Variants in HEATR4 observed in about 807,000 individuals in gnomAD.
HEATR4 encodes HEAT repeat-containing protein 4.
HEATR4 carries 95 observed loss-of-function variants against 108.8 expected under a neutral mutation model. That is an observed-to-expected ratio of 0.87 (90% CI 0.74 to 1.04). HEATR4 has a LOEUF of 1.04. Among genes scored for constraint, HEATR4 ranks in the 50% least tolerant of loss-of-function variants. The probability of loss-of-function intolerance (pLI) is 0.00; values close to 1 mark genes in which losing one functional copy is unlikely to be tolerated. For synonymous variants in HEATR4, 443 were observed against 459.4 expected, an observed-to-expected ratio of 0.96 and a Z score of 0.46; for missense variants, 1,152 against 1,253.8, an observed-to-expected ratio of 0.92 and a Z score of 1.23.
the HEATR4 span, among the ~76,000 whole-genome samples, chr14:73,576,816 A>AAAAAAAAAAAAAG: frequency 5.4e-3 from 312 of 58,142 alleles, 79 homozygotes; most frequent in African/African-American, 9.0e-3. Flanking sequence ...AAAAAAAAAA[A>AAAAAAAAAAAAAG]AAAAGACAAT....
Position 73,536,412 on chromosome 14 carries a change from G to T in HEATR4, c.-151-6168C>A, listed in dbSNP as rs1180749304. On this transcript the variant is annotated intron_variant, in intron 1 of 17. Transcript: ENST00000553558. ...CCCTTGAGGTGTTTGAGAGGCTGAG[G>T]CAGGAAGATGGCTTTAGCCCAGGAG... Among the ~76,000 whole-genome samples the T allele has an allele frequency of 1.1e-3, 117 of 108,912 alleles. 25 individuals are homozygous for T. Among genetic ancestry groups the T allele is most frequent in the African/African-American group, 3.2e-3 (105 of 33,288 alleles). 71.5% of individuals were successfully genotyped at this position (108,912 alleles called of 152,430 possible). A position where few individuals can be genotyped will look rare whatever the true frequency, so the allele number is the denominator to read the frequency against.
the HEATR4 span, chr14:73,595,853 A>G: frequency 9.8e-6 from 5 of 512,212 alleles, no homozygotes; most frequent in South Asian, 7.0e-5. Flanking sequence ...TAAGAGGCAT[A>G]TGACACATAT....
chr14:73,594,676 A>G, the HEATR4 span, among the ~76,000 whole-genome samples: 1 of 138,756 alleles, frequency 7.2e-6, no homozygotes, highest in Non-Finnish European at 1.5e-5. Context: ...TGGATAAGTT[A>G]TTTATTTATT....
chr14:73,592,225 CT>C, the HEATR4 span: 1 of 1,613,086 alleles, frequency 6.2e-7, no homozygotes, highest in East Asian at 2.2e-5. Flanking sequence ...CCCGAGAAGC[CT>C]TTTTGGCGCT....
rs138141239 is a variant in HEATR4, at chr14:73,488,128, A to T, written c.2844+4938T>A. Among the ~76,000 whole-genome samples the T allele has an allele frequency of 4.6e-5, 7 of 152,202 alleles. No individual in the cohort carries two copies. In the East Asian group the frequency reaches 1.4e-3, roughly 29 times the overall value. The stretch of plus-strand genomic sequence containing the variant: ...GTATAAATTGGCATGGGGGCTGATA[A>T]GGTTTGGCTCTGTGTCCCCACCCAA... On this transcript the variant is annotated intron_variant, in intron 17 of 17. Coordinates refer to ENST00000553558, the MANE Select transcript of HEATR4 (RefSeq NM_001220484.1).
chr14:73,503,813 T>C (rs189809917), intron 10 of HEATR4, among the ~76,000 whole-genome samples: 2 of 152,220 alleles, frequency 1.3e-5, no homozygotes, highest in East Asian at 3.9e-4. Context: ...GTGCGTCGGA[T>C]GTGGTCAGAA....
At chr14:73,499,929 T>C (rs1265114197) in intron 12 of HEATR4, among the ~76,000 whole-genome samples, 1 of 152,088 alleles carries the variant, frequency 6.6e-6, no homozygotes, top group African/African-American at 2.4e-5. Flanking sequence ...TTGTAAACTT[T>C]CTTAAAACAT....
intron 17 of HEATR4, among the ~76,000 whole-genome samples, chr14:73,483,058 G>A (rs1294150245): frequency 6.6e-6 from 1 of 152,202 alleles, no homozygotes; most frequent in Non-Finnish European, 1.5e-5. Flanking sequence ...AGAACCAAAT[G>A]TATAGAGCAA....
At position 73,508,147 on chromosome 14, in the gene HEATR4, A is replaced by C; in HGVS notation, c.1868T>G (p.Leu623Arg). Reference protein sequence around the residue: ...EEQSYILLSYLSEKTTLIHTM... With the variant: ...EEQSYILLSYRSEKTTLIHTM... ...ATGGACACATACTGTCTTCTCACTC[A>C]GATAGCTCAGGAGGATATAAGACTG... The change falls in exon 9 of 18, where the codon CTG becomes CGG. Residue 623 changes from leucine to arginine, a missense_variant. Physicochemically the swap from Leu to Arg is moderately radical, Grantham distance 102. Transcript: ENST00000553558. 1 of 1,614,096 alleles carries C rather than the reference A, an allele frequency of 6.2e-7. No individual in the cohort carries two copies. Among genetic ancestry groups the C allele is most frequent in the Non-Finnish European group, 8.5e-7 (1 of 1,179,946 alleles).
At chr14:73,571,057 G>A in the HEATR4 span, 1 of 151,234 alleles carries the variant, frequency 6.6e-6, no homozygotes, top group African/African-American at 2.4e-5. Context: ...AGGTGGCTGG[G>A]CCTGTGACAG....
intron 17 of HEATR4, among the ~76,000 whole-genome samples, chr14:73,479,739 T>A (rs1885174847): frequency 6.6e-6 from 1 of 152,104 alleles, no homozygotes; most frequent in Non-Finnish European, 1.5e-5. Context: ...CACGCCCAGC[T>A]AATTTTTTTG....
the HEATR4 span, among the ~76,000 whole-genome samples, chr14:73,583,472 T>TA: frequency 6.6e-6 from 1 of 151,936 alleles, no homozygotes; most frequent in African/African-American, 2.4e-5. Flanking sequence ...AACCCTGTTA[T>TA]AGGTAGTTAC....
the HEATR4 span, among the ~76,000 whole-genome samples, chr14:73,566,503 G>A: frequency 6.6e-5 from 10 of 152,182 alleles, no homozygotes; most frequent in Admixed American, 2.0e-4. Flanking sequence ...AAGGCCCAGC[G>A]AGAAATTGAG....
the HEATR4 span, chr14:73,582,543 C>T: frequency 6.6e-6 from 1 of 151,650 alleles, no homozygotes; most frequent in African/African-American, 2.4e-5. Context: ...TAGGGAATTT[C>T]CCCCATAGAC....
the HEATR4 span, chr14:73,612,831 A>G: frequency 7.0e-7 from 1 of 1,426,122 alleles, no homozygotes; most frequent in Non-Finnish European, 9.3e-7. Context: ...TTGGAGCCCG[A>G]GAAAGCCTTG....
At chr14:73,517,954 C>T (rs562950857) in intron 5 of HEATR4, among the ~76,000 whole-genome samples, 83 of 151,354 alleles carry the variant, frequency 5.5e-4, no homozygotes, top group East Asian at 1.6e-3. Flanking sequence ...GGTGTGGTGG[C>T]GCGCACCTGT....
intron 17 of HEATR4, among the ~76,000 whole-genome samples, chr14:73,484,005 C>T (rs1328832411): frequency 6.6e-6 from 1 of 151,988 alleles, no homozygotes; most frequent in Non-Finnish European, 1.5e-5. Flanking sequence ...CAGGCATGCA[C>T]CACCATACCT....
At chr14:73,582,721 T>G in the HEATR4 span, 1 of 151,972 alleles carries the variant, frequency 6.6e-6, no homozygotes, top group African/African-American at 2.4e-5. Context: ...GGAACATGCT[T>G]ACTAGCAACA....
At chr14:73,544,072 T>C (rs370645759) in intron 1 of HEATR4, among the ~76,000 whole-genome samples, 1,312 of 114,738 alleles carry the variant, frequency 0.011, 382 homozygotes, top group Non-Finnish European at 0.02. Flanking sequence ...GTGCGCGGAT[T>C]ACTTGAGGTC....
Sources: allele counts gnomAD v4.1 joint callset (sites outside exome capture counted in the v4.1 genomes callset), GRCh38; gene constraint gnomAD v4.1.1; transcripts MANE v1.5; gene names NCBI Gene and HGNC (gene_info 2026-07-23, HGNC 2026-07-21).